ELOVL6: variants seen among roughly 807,000 people sequenced by gnomAD.
The protein encoded by ELOVL6 is very long chain fatty acid elongase 6.
In ELOVL6, 8 loss-of-function variants were observed where a neutral mutation model predicts 31.7. The ratio of observed to expected loss-of-function variants is 0.25; its 90% CI spans 0.15 to 0.45. ELOVL6 has a LOEUF of 0.45. Among genes scored for constraint, ELOVL6 ranks in the 20% least tolerant of loss-of-function variants. The pLI is 1.00. For synonymous variants in ELOVL6, 101 were observed against 117.7 expected, an observed-to-expected ratio of 0.86 and a Z score of 0.92; for missense variants, 126 against 326.4, an observed-to-expected ratio of 0.39 and a Z score of 4.73.
chr4:110,156,708 G>A (rs1359794116), intron 1 of ELOVL6, among the ~76,000 whole-genome samples: 1 of 151,974 alleles, frequency 6.6e-6, no homozygotes, highest in African/African-American at 2.4e-5. Context: ...AAAGAAACGG[G>A]CCCATGTAAT....
At chr4:110,194,853 G>A (rs1578295237) in intron 1 of ELOVL6, among the ~76,000 whole-genome samples, 1 of 152,210 alleles carries the variant, frequency 6.6e-6, no homozygotes, top group East Asian at 1.9e-4. Context: ...AAAAGCCAAT[G>A]TAGTTCACTT....
intron 1 of ELOVL6, among the ~76,000 whole-genome samples, chr4:110,174,964 G>A (rs891113468): frequency 4.0e-5 from 6 of 151,126 alleles, no homozygotes; most frequent in African/African-American, 1.5e-4. Context: ...CTAATTTTAC[G>A]GACCAAATAA....
At chr4:110,167,245 C>T (rs753400711) in intron 1 of ELOVL6, among the ~76,000 whole-genome samples, 14 of 152,178 alleles carry the variant, frequency 9.2e-5, no homozygotes, top group Non-Finnish European at 1.6e-4. Context: ...AAAATGTAAT[C>T]GCTATTAGAG....
intron 2 of ELOVL6, among the ~76,000 whole-genome samples, chr4:110,073,076 C>A (rs1265557317): frequency 4.6e-5 from 7 of 152,202 alleles, no homozygotes; most frequent in African/African-American, 1.7e-4. Flanking sequence ...CGTACCTATT[C>A]TACTGATTTC....
In ELOVL6 at chr4:110,083,980, CCA is replaced by C. The variant is rs1755991553; in HGVS notation, c.221+21515_221+21516del. On this transcript the variant is annotated intron_variant, in intron 2 of 3. Transcript: ENST00000302274. ...TATGATATATATGATATAACATATG[CCA>C]TATACGATATATAACATATGCCATA... 2.1e-3 allele frequency among the ~76,000 whole-genome samples: 147 copies of C among 71,696 alleles called. 18 individuals are homozygous for C. Among genetic ancestry groups the C allele is most frequent in the African/African-American group, 8.4e-3 (138 of 16,350 alleles). The allele number at this position is 71,696 out of a possible 152,430, so 47.0% of individuals were successfully genotyped here. A position where few individuals can be genotyped will look rare whatever the true frequency, so the allele number is the denominator to read the frequency against.
chr4:110,064,027 G>A (rs1207420031), intron 2 of ELOVL6, among the ~76,000 whole-genome samples: 1 of 147,554 alleles, frequency 6.8e-6, no homozygotes, highest in Non-Finnish European at 1.5e-5. Context: ...GTAGTGAGCT[G>A]AGATCGCGCC....
At chr4:110,186,499 G>GT (rs1233307896) in intron 1 of ELOVL6, among the ~76,000 whole-genome samples, 1 of 151,972 alleles carries the variant, frequency 6.6e-6, no homozygotes, top group Non-Finnish European at 1.5e-5. Context: ...AGCAGTATGG[G>GT]TTAGTGCCAG....
intron 1 of ELOVL6, among the ~76,000 whole-genome samples, chr4:110,131,031 A>AT (rs937287007): frequency 1.3e-5 from 2 of 152,326 alleles, no homozygotes; most frequent in Middle Eastern, 3.4e-3. Flanking sequence ...ATATAAGAGA[A>AT]TTTTTTACAG....
At chr4:110,118,219 A>G (rs1414314093) in intron 1 of ELOVL6, 1 of 151,616 alleles carries the variant, frequency 6.6e-6, no homozygotes, top group Non-Finnish European at 1.5e-5. Flanking sequence ...CGGCCTCCCA[A>G]AGTGCTGGGA....
intron 2 of ELOVL6, among the ~76,000 whole-genome samples, chr4:110,080,476 A>C (rs1414014054): frequency 1.3e-5 from 2 of 152,186 alleles, no homozygotes; most frequent in Admixed American, 1.3e-4. Context: ...TATAAACAAA[A>C]CCAATGACAA....
At chr4:110,198,097 T>G (rs1759872490) in intron 1 of ELOVL6, 150 bp downstream of exon 1, 1 of 391,224 alleles carries the variant, frequency 2.6e-6, no homozygotes, top group Non-Finnish European at 4.8e-6. Context: ...CAGCGTCTCC[T>G]GCACCCGGGA....
At chr4:110,068,517 G>A (rs532698532) in intron 2 of ELOVL6, among the ~76,000 whole-genome samples, 1 of 152,280 alleles carries the variant, frequency 6.6e-6, no homozygotes, top group East Asian at 1.9e-4. Context: ...GCAAACAGAT[G>A]TTCTGATTAA....
At chr4:110,181,776 T>C (rs962303829) in intron 1 of ELOVL6, among the ~76,000 whole-genome samples, 1 of 152,220 alleles carries the variant, frequency 6.6e-6, no homozygotes, top group Non-Finnish European at 1.5e-5. Flanking sequence ...TATGATCTGC[T>C]TCACAAAGCA....
rs1193314995 is a variant in ELOVL6, at chr4:110,047,910, A to AG, written c.*3427_*3428insC. On this transcript the variant is annotated 3_prime_UTR_variant, in exon 4 of 4. Transcript: ENST00000302274. ...CACCTCAAAAAAAAAAAAAAAAAAA[A>AG]AAAGAAAGACATTCTGTGGGTCTCT... 1 of 151,626 alleles carries AG rather than the reference A, an allele frequency of 6.6e-6. No individual in the cohort carries two copies. Among genetic ancestry groups the AG allele is most frequent in the South Asian group, 2.1e-4 (1 of 4,790 alleles). 9.4% of individuals were successfully genotyped at this position (151,626 alleles called of 1,614,324 possible). A position where few individuals can be genotyped will look rare whatever the true frequency, so the allele number is the denominator to read the frequency against.
chr4:110,144,074 A>C (rs1189354850), intron 1 of ELOVL6, among the ~76,000 whole-genome samples: 1 of 151,522 alleles, frequency 6.6e-6, no homozygotes, highest in African/African-American at 2.4e-5. Context: ...AAAAAAAAAA[A>C]AGATGAGGGG....
intron 1 of ELOVL6, among the ~76,000 whole-genome samples, chr4:110,176,037 TA>T (rs35412689): frequency 0.45 from 64,960 of 143,718 alleles, 14,765 homozygotes; most frequent in East Asian, 0.67. Flanking sequence ...AGTGGTGAGT[TA>T]AAAAAAAAAA....
rs201356784 is a variant in ELOVL6 at position 110,084,186 on chromosome 4, CAT to C, written c.221+21309_221+21310del. Among the ~76,000 whole-genome samples, 51 of 45,200 alleles carry C rather than the reference CAT, an allele frequency of 1.1e-3. 2 individuals carry two copies. Among genetic ancestry groups the C allele is most frequent in the African/African-American group, 5.1e-3 (41 of 8,116 alleles). The allele number at this position is 45,200 out of a possible 152,430, so 29.7% of individuals were successfully genotyped here. On this transcript the variant is annotated intron_variant, in intron 2 of 3. Coordinates refer to ENST00000302274, the MANE Select transcript of ELOVL6 (RefSeq NM_024090.3). ...TATGTGATATATATGATATATATAA[CAT>C]ATAACTTATATGATATATATAACAT... is the stretch of plus-strand genomic sequence containing the variant.
At chr4:110,175,447 G>A (rs542864044) in intron 1 of ELOVL6, among the ~76,000 whole-genome samples, 2 of 152,132 alleles carry the variant, frequency 1.3e-5, no homozygotes, top group Non-Finnish European at 1.5e-5. Flanking sequence ...CTATTTTATA[G>A]GGTTGAAGGA....
Position 110,048,734 on chromosome 4 carries a change from T to G in ELOVL6, c.*2604A>C, listed in dbSNP as rs771979988. 1 of 152,228 alleles carries G rather than the reference T, an allele frequency of 6.6e-6. No individual in the cohort carries two copies. Among genetic ancestry groups the G allele is most frequent in the African/African-American group, 2.4e-5 (1 of 41,460 alleles). 9.4% of individuals were successfully genotyped at this position (152,228 alleles called of 1,614,324 possible). A position where few individuals can be genotyped will look rare whatever the true frequency, so the allele number is the denominator to read the frequency against. On this transcript the variant is annotated 3_prime_UTR_variant, in exon 4 of 4. Transcript: ENST00000302274. ...TTGTTTTAAAAAAAATGTGGCTTTT[T>G]TCCTCCCATGATAAACATTGGAAAT...
Sources: allele counts gnomAD v4.1 joint callset (sites outside exome capture counted in the v4.1 genomes callset), GRCh38; gene constraint gnomAD v4.1.1; transcripts MANE v1.5; gene names NCBI Gene and HGNC (gene_info 2026-07-23, HGNC 2026-07-21).